PHF24: variants seen among roughly 807,000 people sequenced by gnomAD.
The protein encoded by PHF24 is PHD finger protein 24, also known as Galpha inhibitory interacting protein.
In PHF24, 25 loss-of-function variants were observed where a neutral mutation model predicts 42.6. That is an observed-to-expected ratio of 0.59 (90% CI 0.43 to 0.82). The LOEUF is 0.82. Ranked by LOEUF, PHF24 falls within the 40% of genes least tolerant of loss-of-function variation. The pLI, the probability that PHF24 is intolerant of heterozygous loss-of-function variation, is 0.00. For synonymous variants in PHF24, 185 were observed against 204.8 expected, an observed-to-expected ratio of 0.90 and a Z score of 0.83; for missense variants, 470 against 538.1, an observed-to-expected ratio of 0.87 and a Z score of 1.25.
At chr9:34,682,959 G>A in the PHF24 span, among the ~76,000 whole-genome samples, 2 of 152,140 alleles carry the variant, frequency 1.3e-5, no homozygotes, top group African/African-American at 4.8e-5. Flanking sequence ...ACAAATGGAG[G>A]CCCACTATCT....
At chr9:34,813,172 C>G in the PHF24 span, among the ~76,000 whole-genome samples, 6 of 152,168 alleles carry the variant, frequency 3.9e-5, no homozygotes, top group South Asian at 8.3e-4. Flanking sequence ...TTTTTCTTCC[C>G]CATTTCTTCC....
the PHF24 span, chr9:34,709,583 T>C: frequency 1.1e-3 from 1,757 of 1,614,132 alleles, 17 homozygotes; most frequent in African/African-American, 0.02. Flanking sequence ...CTGGTTTCTG[T>C]GGGGATGGTG....
chr9:34,785,560 G>A, the PHF24 span, among the ~76,000 whole-genome samples: 4 of 152,230 alleles, frequency 2.6e-5, no homozygotes, highest in East Asian at 5.8e-4. Context: ...GGCTGTAAGG[G>A]AATAAGTTTG....
the PHF24 span, among the ~76,000 whole-genome samples, chr9:34,913,421 G>A: frequency 6.6e-6 from 1 of 151,918 alleles, no homozygotes; most frequent in Non-Finnish European, 1.5e-5. Context: ...TTCCCATCCT[G>A]GAAAATTCAA....
the PHF24 span, among the ~76,000 whole-genome samples, chr9:34,861,328 T>C: frequency 6.6e-6 from 1 of 152,224 alleles, no homozygotes; most frequent in South Asian, 2.1e-4. Context: ...AGGGTAGAAC[T>C]ACTTTAGACC....
At chr9:34,969,838 T>G (rs1826910984) in intron 1 of PHF24, among the ~76,000 whole-genome samples, 2 of 152,156 alleles carry the variant, frequency 1.3e-5, no homozygotes, top group Non-Finnish European at 2.9e-5. Flanking sequence ...ACAGTAACCT[T>G]CGAACTGGCC....
At chr9:34,757,883 A>G in the PHF24 span, among the ~76,000 whole-genome samples, 1 of 152,106 alleles carries the variant, frequency 6.6e-6, no homozygotes, top group Non-Finnish European at 1.5e-5. Flanking sequence ...GATTAGGGCC[A>G]TAGGGCTATT....
chr9:34,783,397 A>G, the PHF24 span, among the ~76,000 whole-genome samples: 2 of 152,156 alleles, frequency 1.3e-5, no homozygotes. Context: ...CATGACTTTA[A>G]TTTCAATTGT....
intron 1 of PHF24, among the ~76,000 whole-genome samples, chr9:34,968,929 C>G (rs68092307): frequency 0.15 from 23,038 of 152,236 alleles, 2,363 homozygotes; most frequent in Non-Finnish European, 0.22. Context: ...GGGCATGGTG[C>G]TGTGAGCACT....
At chr9:34,830,956 T>G in the PHF24 span, among the ~76,000 whole-genome samples, 4 of 152,192 alleles carry the variant, frequency 2.6e-5, no homozygotes, top group Non-Finnish European at 2.9e-5. Context: ...TAGCAAAATA[T>G]TGGACATTCC....
At chr9:34,899,216 C>T in the PHF24 span, among the ~76,000 whole-genome samples, 4 of 152,204 alleles carry the variant, frequency 2.6e-5, no homozygotes, top group African/African-American at 4.8e-5. Flanking sequence ...ATGAACTACA[C>T]GAAAAGCCTC....
chr9:34,885,036 C>G, the PHF24 span, among the ~76,000 whole-genome samples: 1 of 152,236 alleles, frequency 6.6e-6, no homozygotes, highest in African/African-American at 2.4e-5. Context: ...GCTGCTGTGA[C>G]CCTTCTGAGT....
chr9:34,822,131 T>C, the PHF24 span, among the ~76,000 whole-genome samples: 1 of 152,172 alleles, frequency 6.6e-6, no homozygotes, highest in Admixed American at 6.5e-5. Context: ...GACATTATCA[T>C]TATTTTTCAT....
the PHF24 span, among the ~76,000 whole-genome samples, chr9:34,742,458 A>G: frequency 2.0e-5 from 3 of 152,212 alleles, no homozygotes; most frequent in Admixed American, 2.0e-4. Context: ...GCACTACTAC[A>G]GTACCATCGC....
chr9:34,799,730 T>C, the PHF24 span, among the ~76,000 whole-genome samples: 2 of 152,208 alleles, frequency 1.3e-5, no homozygotes, highest in East Asian at 3.8e-4. Flanking sequence ...AATTGCCCTT[T>C]TATGGACTTA....
the PHF24 span, chr9:34,832,153 G>T: frequency 3.3e-6 from 1 of 306,064 alleles, no homozygotes; most frequent in Middle Eastern, 9.8e-4. Context: ...GTGGCACCCT[G>T]CCCCACCAGC....
upstream of PHF24, among the ~76,000 whole-genome samples, chr9:34,952,668 A>T (rs746574604): frequency 1.3e-5 from 2 of 152,228 alleles, no homozygotes; most frequent in African/African-American, 4.8e-5. Context: ...GGATAGAGAC[A>T]TAGATCAACA....
chr9:34,899,223 C>A, the PHF24 span, among the ~76,000 whole-genome samples: 1 of 152,194 alleles, frequency 6.6e-6, no homozygotes. Context: ...ACACGAAAAG[C>A]CTCTGTGGAC....
chr9:34,964,639 G>A (rs535337551), intron 1 of PHF24, among the ~76,000 whole-genome samples: 2 of 152,142 alleles, frequency 1.3e-5, no homozygotes, highest in African/African-American at 2.4e-5. Context: ...TAATCCCGCT[G>A]AATTCTAAGC....
Sources: allele counts gnomAD v4.1 joint callset (sites outside exome capture counted in the v4.1 genomes callset), GRCh38; gene constraint gnomAD v4.1.1; transcripts MANE v1.5; gene names NCBI Gene and HGNC (gene_info 2026-07-23, HGNC 2026-07-21).